Variants in CTNNA2 observed in about 807,000 individuals in gnomAD.
CTNNA2 encodes catenin alpha 2.
Under a neutral mutation model 101.0 loss-of-function variants are expected in CTNNA2, and 42 were observed. The observed-to-expected ratio is 0.42, with a 90% CI of 0.32 to 0.54. CTNNA2 has a LOEUF of 0.54. Among genes scored for constraint, CTNNA2 ranks in the 20% least tolerant of loss-of-function variants. The pLI, the probability that CTNNA2 is intolerant of heterozygous loss-of-function variation, is 0.14. For synonymous variants in CTNNA2, 450 were observed against 456.4 expected, an observed-to-expected ratio of 0.99 and a Z score of 0.18; for missense variants, 871 against 1,223.1, an observed-to-expected ratio of 0.71 and a Z score of 4.29.
intron 7 of CTNNA2, among the ~76,000 whole-genome samples, chr2:80,055,229 A>G (rs115347839): frequency 0.019 from 2,859 of 152,040 alleles, 89 homozygotes; most frequent in African/African-American, 0.066. Flanking sequence ...GGGTCTCACT[A>G]TGTTGTCCAG....
intron 7 of CTNNA2, among the ~76,000 whole-genome samples, chr2:80,097,108 T>C (rs1199612739): frequency 6.6e-6 from 1 of 152,226 alleles, no homozygotes; most frequent in East Asian, 1.9e-4. Context: ...GCCTTGATGG[T>C]CTTTACAATT....
chr2:79,472,741 G>A (rs574380734), intron 4 of CTNNA2, among the ~76,000 whole-genome samples: 8 of 152,042 alleles, frequency 5.3e-5, no homozygotes, highest in South Asian at 2.1e-4. Flanking sequence ...ATACAGATGG[G>A]CTGAGAATTT....
In CTNNA2 at chr2:80,201,358, TTTTTCTTTC is replaced by T. The variant is rs1707195307; in HGVS notation, c.1057-191848_1057-191840del. Reference sequence around the variant, plus strand: ...TGTTTTATCGTATCCACAATATTTCTTTTTCTTTCTTTTTTTTTTTTTTTTTTTTTTTTG... The same window carrying T: ...TGTTTTATCGTATCCACAATATTTCTTTTTTTTTTTTTTTTTTTTTTTTTG... On this transcript the variant is annotated intron_variant, in intron 7 of 18. Coordinates refer to ENST00000402739, the MANE Select transcript of CTNNA2 (RefSeq NM_001282597.3). Among the ~76,000 whole-genome samples the T allele has an allele frequency of 6.8e-5, 10 of 146,156 alleles. No individual in the cohort carries two copies. In the South Asian group the frequency reaches 2.0e-3, roughly 29 times the overall value.
intron 3 of CTNNA2, among the ~76,000 whole-genome samples, chr2:79,322,515 T>C (rs985718761): frequency 2.6e-5 from 4 of 152,202 alleles, no homozygotes; most frequent in Admixed American, 6.5e-5. Context: ...ACTCTCACAT[T>C]AGAAAATACT....
At chr2:79,239,803 C>T (rs573313004) in intron 2 of CTNNA2, among the ~76,000 whole-genome samples, 5 of 152,038 alleles carry the variant, frequency 3.3e-5, no homozygotes, top group Admixed American at 3.3e-4. Context: ...ATCCATCTGA[C>T]AAAGGGCTAA....
rs1005063867 is a variant in CTNNA2 at position 79,275,869 on chromosome 2, CA to C, written c.-405-36831del. The stretch of plus-strand genomic sequence containing the variant: ...ATATTCAGAGGGGAGGGGCAGACAT[CA>C]AAAAAAAAGATAAGAAGGAAAATGC... On this transcript the variant is annotated intron_variant, in intron 2 of 21. Transcript: ENST00000466387. Among the ~76,000 whole-genome samples the C allele has an allele frequency of 3.7e-4, 55 of 149,144 alleles. 1 individual carries two copies. The highest frequency in any genetic ancestry group is 6.7e-5 in the Admixed American group (1 of 14,962).
At chr2:79,779,559 C>T (rs1674266006) in intron 3 of CTNNA2, among the ~76,000 whole-genome samples, 1 of 152,042 alleles carries the variant, frequency 6.6e-6, no homozygotes, top group Admixed American at 6.6e-5. Context: ...ACTTTTTTCC[C>T]TATTGTTATT....
intron 9 of CTNNA2, among the ~76,000 whole-genome samples, chr2:80,424,556 T>C (rs1368286360): frequency 6.6e-6 from 1 of 152,164 alleles, no homozygotes; most frequent in Non-Finnish European, 1.5e-5. Flanking sequence ...TTCACCCTAT[T>C]TTCTGTTGGG....
chr2:80,111,359 T>A (rs955260701), intron 7 of CTNNA2, among the ~76,000 whole-genome samples: 2 of 152,200 alleles, frequency 1.3e-5, no homozygotes, highest in African/African-American at 4.8e-5. Flanking sequence ...CATGAGAAAT[T>A]GGTTTGCTGC....
chr2:79,675,134 A>T (rs1367537158), intron 2 of CTNNA2, among the ~76,000 whole-genome samples: 2 of 152,318 alleles, frequency 1.3e-5, no homozygotes, highest in East Asian at 3.9e-4. Flanking sequence ...AAAATGTGGG[A>T]ATACCATAAA....
chr2:80,132,153 A>T (rs1702451341), intron 7 of CTNNA2, among the ~76,000 whole-genome samples: 1 of 152,140 alleles, frequency 6.6e-6, no homozygotes, highest in East Asian at 1.9e-4. Context: ...TGCTATTGTG[A>T]TGTTTGTGGA....
At chr2:79,363,915 T>C (rs557274090) in intron 3 of CTNNA2, among the ~76,000 whole-genome samples, 2 of 152,316 alleles carry the variant, frequency 1.3e-5, no homozygotes, top group South Asian at 4.1e-4. Flanking sequence ...GAGGATTGAA[T>C]GTTACTGAGA....
chr2:79,733,064 A>G (rs1383465659), intron 2 of CTNNA2, among the ~76,000 whole-genome samples: 2 of 152,162 alleles, frequency 1.3e-5, no homozygotes, highest in African/African-American at 4.8e-5. Flanking sequence ...CACAGGAAAA[A>G]GAAGCGGGTT....
chr2:79,918,131 T>TC (rs1430323358), intron 7 of CTNNA2, among the ~76,000 whole-genome samples: 2 of 152,074 alleles, frequency 1.3e-5, no homozygotes, highest in African/African-American at 2.4e-5. Context: ...TCTATCTCAT[T>TC]CCCCCACTCA....
At chr2:80,617,968 T>A (rs991795710) in intron 17 of CTNNA2, among the ~76,000 whole-genome samples, 1 of 151,886 alleles carries the variant, frequency 6.6e-6, no homozygotes, top group South Asian at 2.1e-4. Flanking sequence ...GGTTTCACTT[T>A]TCATGTATTC....
intron 7 of CTNNA2, among the ~76,000 whole-genome samples, chr2:80,040,813 C>G (rs1482477566): frequency 6.6e-6 from 1 of 152,068 alleles, no homozygotes; most frequent in East Asian, 1.9e-4. Context: ...AACGTGTATA[C>G]TTTTGACCTA....
chr2:80,644,563 C>A (rs972562686), intron 18 of CTNNA2, among the ~76,000 whole-genome samples: 2 of 152,052 alleles, frequency 1.3e-5, no homozygotes, highest in Non-Finnish European at 2.9e-5. Context: ...ATAAAGAAAC[C>A]CATTTTTAAA....
intron 1 of CTNNA2, among the ~76,000 whole-genome samples, chr2:79,526,315 A>G (rs1179551883): frequency 6.6e-6 from 1 of 152,050 alleles, no homozygotes; most frequent in Non-Finnish European, 1.5e-5. Context: ...ACTAGAGGCT[A>G]CAAAATATCA....
Position 79,650,703 on chromosome 2 carries a change from A to G in CTNNA2, c.-5-849A>G, listed in dbSNP as rs557351889. On this transcript the variant is annotated intron_variant, in intron 1 of 18. Coordinates refer to ENST00000402739, the MANE Select transcript of CTNNA2 (RefSeq NM_001282597.3). Reference sequence around the variant, plus strand: ...CACATTGTGCAGGTTAGTTACATACATATACATGTGCCACGCTGGTGTGCT... The same window carrying G: ...CACATTGTGCAGGTTAGTTACATACGTATACATGTGCCACGCTGGTGTGCT... Among the ~76,000 whole-genome samples the G allele has an allele frequency of 7.9e-3, 1,185 of 150,728 alleles. 26 individuals are homozygous for G. The highest frequency in any genetic ancestry group is 0.026 in the African/African-American group (1,071 of 40,868).
Sources: allele counts gnomAD v4.1 joint callset (sites outside exome capture counted in the v4.1 genomes callset), GRCh38; gene constraint gnomAD v4.1.1; transcripts MANE v1.5; gene names NCBI Gene and HGNC (gene_info 2026-07-23, HGNC 2026-07-21).